AKAP6: variants seen among roughly 807,000 people sequenced by gnomAD.
The protein encoded by AKAP6 is A-kinase anchoring protein 6.
In AKAP6, 58 loss-of-function variants were observed where a neutral mutation model predicts 188.5. The ratio of observed to expected loss-of-function variants is 0.31; its 90% CI spans 0.25 to 0.38. AKAP6 has a LOEUF of 0.38. Among genes scored for constraint, AKAP6 ranks in the 10% least tolerant of loss-of-function variants. The pLI is 1.00. For missense variants in AKAP6, 2,710 were observed against 2,740.0 expected, an observed-to-expected ratio of 0.99 and a Z score of 0.24; for synonymous variants, 989 against 998.6, an observed-to-expected ratio of 0.99 and a Z score of 0.18.
intron 1 of AKAP6, among the ~76,000 whole-genome samples, chr14:32,413,663 G>C (rs1027889261): frequency 3.3e-5 from 5 of 152,072 alleles, no homozygotes; most frequent in African/African-American, 9.7e-5. Context: ...AATGTCTTGA[G>C]GACAGAAGGA....
At chr14:32,429,722 A>G (rs1890153339) in intron 1 of AKAP6, among the ~76,000 whole-genome samples, 1 of 152,204 alleles carries the variant, frequency 6.6e-6, no homozygotes. Flanking sequence ...GCTTTGTTTT[A>G]TCTCTATGGG....
chr14:32,760,940 A>G (rs1367806230), intron 11 of AKAP6, among the ~76,000 whole-genome samples: 1 of 152,218 alleles, frequency 6.6e-6, no homozygotes, highest in Non-Finnish European at 1.5e-5. Context: ...AAACTTCTAA[A>G]TGACCCTGAG....
intron 1 of AKAP6, among the ~76,000 whole-genome samples, chr14:32,416,966 G>A (rs11624658): frequency 2.2e-3 from 340 of 152,180 alleles, no homozygotes; most frequent in Non-Finnish European, 3.6e-3. Flanking sequence ...TCAGCATCTC[G>A]AGTAACTGGG....
chr14:32,580,553 T>C (rs907833616), intron 5 of AKAP6, among the ~76,000 whole-genome samples: 3 of 152,192 alleles, frequency 2.0e-5, no homozygotes, highest in Non-Finnish European at 4.4e-5. Context: ...ACTCTTCATT[T>C]TATTTTATTA....
intron 7 of AKAP6, among the ~76,000 whole-genome samples, chr14:32,621,664 G>A (rs142696475): frequency 2.0e-5 from 3 of 152,086 alleles, no homozygotes; most frequent in African/African-American, 7.2e-5. Context: ...TAGGTAGAAT[G>A]TTCTGTAAAT....
chr14:32,466,532 A>T (rs2138843291), intron 2 of AKAP6, among the ~76,000 whole-genome samples: 1 of 152,134 alleles, frequency 6.6e-6, no homozygotes, highest in Non-Finnish European at 1.5e-5. Flanking sequence ...ACAGTGAGAA[A>T]CATGGACACA....
chr14:32,418,268 C>T (rs964737554), intron 1 of AKAP6, among the ~76,000 whole-genome samples: 6 of 152,174 alleles, frequency 3.9e-5, no homozygotes, highest in African/African-American at 1.4e-4. Context: ...GGACAATTAC[C>T]TTCCAAACGT....
At chr14:32,687,549 G>A (rs1029166026) in intron 8 of AKAP6, among the ~76,000 whole-genome samples, 1 of 149,396 alleles carries the variant, frequency 6.7e-6, no homozygotes, top group Non-Finnish European at 1.5e-5. Context: ...TACATAAAGT[G>A]TTTTCTTTTT....
chr14:32,349,529 C>T (rs866463891), intron 1 of AKAP6, among the ~76,000 whole-genome samples: 13 of 152,136 alleles, frequency 8.5e-5, no homozygotes, highest in Middle Eastern at 3.2e-3. Flanking sequence ...CATGTCAGGG[C>T]TTGATGCAGT....
chr14:32,672,474 C>T (rs1446367561), intron 7 of AKAP6, among the ~76,000 whole-genome samples: 3 of 152,136 alleles, frequency 2.0e-5, no homozygotes, highest in Non-Finnish European at 2.9e-5. Flanking sequence ...CACAGATGGC[C>T]ACCTTCTTGC....
intron 9 of AKAP6, among the ~76,000 whole-genome samples, chr14:32,704,015 G>A (rs1198359210): frequency 1.3e-5 from 2 of 152,138 alleles, no homozygotes; most frequent in Admixed American, 1.3e-4. Context: ...TCTCCTGAAG[G>A]CTATCCGTTT....
chr14:32,565,746 G>T (rs1884155597), intron 4 of AKAP6, among the ~76,000 whole-genome samples: 1 of 152,188 alleles, frequency 6.6e-6, no homozygotes, highest in South Asian at 2.1e-4. Flanking sequence ...GCCAGACTCT[G>T]CAACCTCATT....
At chr14:32,496,940 A>G (rs1465183966) in intron 2 of AKAP6, among the ~76,000 whole-genome samples, 1 of 152,154 alleles carries the variant, frequency 6.6e-6, no homozygotes, top group South Asian at 2.1e-4. Flanking sequence ...TCCAGTATGC[A>G]TGTGTTATGT....
At chr14:32,593,317 G>A (rs923412173) in intron 5 of AKAP6, among the ~76,000 whole-genome samples, 5 of 152,118 alleles carry the variant, frequency 3.3e-5, no homozygotes, top group African/African-American at 9.7e-5. Flanking sequence ...GGATGTGTGG[G>A]TCTTGTTGGA....
intron 1 of AKAP6, among the ~76,000 whole-genome samples, chr14:32,429,796 A>G (rs1431570910): frequency 6.6e-6 from 1 of 152,226 alleles, no homozygotes; most frequent in Non-Finnish European, 1.5e-5. Context: ...TCTAGTTAGA[A>G]GTTTTATAGT....
chr14:32,346,539 C>T (rs533271064), intron 1 of AKAP6, among the ~76,000 whole-genome samples: 31 of 152,290 alleles, frequency 2.0e-4, no homozygotes, highest in African/African-American at 6.3e-4. Flanking sequence ...GACGAAGTCT[C>T]GCTCTTTCAC....
At chr14:32,765,607 C>A (rs1023024338) in intron 11 of AKAP6, among the ~76,000 whole-genome samples, 6 of 151,230 alleles carry the variant, frequency 4.0e-5, no homozygotes, top group Non-Finnish European at 7.4e-5. Flanking sequence ...TATCATACAG[C>A]AGAATGTCTG....
rs188713501 is a variant in AKAP6 at position 32,501,458 on chromosome 14, A to G, written c.325-34096A>G. 4.2e-3 allele frequency among the ~76,000 whole-genome samples: 644 copies of G among 152,248 alleles called. 8 individuals are homozygous for G. The highest frequency in any genetic ancestry group is 0.02 in the Middle Eastern group (6 of 294). Reference sequence around the variant, plus strand: ...TCTCAAAGGAAGTTTTAAGGATTCAACCTGGCACCAAAGTATATCACTTCT... The same window carrying G: ...TCTCAAAGGAAGTTTTAAGGATTCAGCCTGGCACCAAAGTATATCACTTCT... On this transcript the variant is annotated intron_variant, in intron 2 of 13. Coordinates refer to ENST00000280979, the MANE Select transcript of AKAP6 (RefSeq NM_004274.5).
At chr14:32,766,030 G>C (rs1009754003) in intron 11 of AKAP6, among the ~76,000 whole-genome samples, 4 of 151,996 alleles carry the variant, frequency 2.6e-5, no homozygotes, top group African/African-American at 9.7e-5. Flanking sequence ...CCCCTCACTG[G>C]AGGCCATGGC....
Sources: allele counts gnomAD v4.1 joint callset (sites outside exome capture counted in the v4.1 genomes callset), GRCh38; gene constraint gnomAD v4.1.1; transcripts MANE v1.5; gene names NCBI Gene and HGNC (gene_info 2026-07-23, HGNC 2026-07-21).